Variants in DYNLT2 observed in about 807,000 individuals in gnomAD.
DYNLT2 encodes dynein light chain Tctex-type 2.
In DYNLT2, 24 loss-of-function variants were observed where a neutral mutation model predicts 24.3. The observed-to-expected ratio is 0.99, with a 90% CI of 0.71 to 1.39. The LOEUF (loss-of-function observed/expected upper bound fraction) is 1.39. Ranked by LOEUF, DYNLT2 falls within the 40% of genes most tolerant of loss-of-function variation. The pLI is 0.00. For missense variants in DYNLT2, 246 were observed against 234.5 expected, an observed-to-expected ratio of 1.05 and a Z score of -0.32; for synonymous variants, 85 against 85.4, an observed-to-expected ratio of 1.00 and a Z score of 0.03.
At position 169,740,315 on chromosome 6, in the gene DYNLT2, A is replaced by G; in HGVS notation, c.487-20T>C. Reference sequence around the variant, plus strand: ...GGCAATCTGTGAGAGAAATTTTGTAAAGACCAACTTTAGATTGAACATATT... The same window carrying G: ...GGCAATCTGTGAGAGAAATTTTGTAGAGACCAACTTTAGATTGAACATATT... On this transcript the variant is annotated intron_variant, in intron 3 of 3. Transcript: ENST00000366774. The G allele has an allele frequency of 6.7e-7, 1 of 1,488,384 alleles. No homozygotes were observed. Among genetic ancestry groups the G allele is most frequent in the South Asian group, 1.1e-5 (1 of 87,882 alleles). The allele number at this position is 1,488,384 out of a possible 1,614,324, so 92.2% of individuals were successfully genotyped here.
chr6:169,744,556 A>T (rs1789752248), intron 1 of DYNLT2, among the ~76,000 whole-genome samples: 1 of 152,218 alleles, frequency 6.6e-6, no homozygotes, highest in Admixed American at 6.5e-5. Flanking sequence ...TCCATGGATG[A>T]TCCAAAGGAA....
chr6:169,739,314 T>C (rs1789626149), downstream of DYNLT2, among the ~76,000 whole-genome samples: 1 of 151,778 alleles, frequency 6.6e-6, no homozygotes, highest in South Asian at 2.1e-4. Context: ...TCCCATGTGC[T>C]GGGATTATAG....
the DYNLT2 span, chr6:169,725,260 G>A: frequency 2.5e-6 from 1 of 398,718 alleles, no homozygotes; most frequent in East Asian, 3.6e-5. Flanking sequence ...CTGGAGAGTA[G>A]AGAATGTTCT....
At chr6:169,725,871 C>T in the DYNLT2 span, 4 of 152,310 alleles carry the variant, frequency 2.6e-5, no homozygotes, top group African/African-American at 9.6e-5. Context: ...GCTTCAAGGA[C>T]ATTTGCGCAG....
At chr6:169,725,632 G>T in the DYNLT2 span, 1 of 255,344 alleles carries the variant, frequency 3.9e-6, no homozygotes, top group Non-Finnish European at 7.0e-6. Flanking sequence ...AGAGTTTAGC[G>T]GTTTTTTTTT....
the DYNLT2 span, among the ~76,000 whole-genome samples, chr6:169,731,875 TAA>T: frequency 6.6e-6 from 1 of 152,202 alleles, no homozygotes; most frequent in African/African-American, 2.4e-5. Flanking sequence ...CTAATAAGAA[TAA>T]GTGTGCATAA....
the DYNLT2 span, chr6:169,725,262 G>C: frequency 2.5e-6 from 1 of 398,576 alleles, no homozygotes; most frequent in Non-Finnish European, 4.4e-6. Context: ...GGAGAGTAGA[G>C]AATGTTCTCG....
intron 2 of DYNLT2, 47 bp downstream of exon 2, chr6:169,744,021 G>T (rs746846433): frequency 6.4e-7 from 1 of 1,554,016 alleles, no homozygotes; most frequent in Non-Finnish European, 8.8e-7. Context: ...CTGTTTCTCT[G>T]TAGAACCCTC....
chr6:169,740,494 C>T (rs562410010), intron 3 of DYNLT2, among the ~76,000 whole-genome samples, 199 bp from the exon 4 acceptor site: 17 of 152,314 alleles, frequency 1.1e-4, no homozygotes, highest in African/African-American at 3.8e-4. Context: ...TTACCGGAGG[C>T]TGGCCTTTCT....
chr6:169,746,295 GTTC>G (rs1363435412), intron 1 of DYNLT2, among the ~76,000 whole-genome samples: 2 of 151,908 alleles, frequency 1.3e-5, no homozygotes, highest in African/African-American at 2.4e-5. Context: ...GATTTAATTT[GTTC>G]TTCTTTTTCT....
the DYNLT2 span, among the ~76,000 whole-genome samples, chr6:169,727,388 T>C: frequency 6.6e-6 from 1 of 151,898 alleles, no homozygotes; most frequent in African/African-American, 2.4e-5. Flanking sequence ...CAGAAAACCA[T>C]GATTGAGCAG....
the DYNLT2 span, among the ~76,000 whole-genome samples, chr6:169,728,956 C>T: frequency 2.0e-5 from 3 of 152,296 alleles, no homozygotes; most frequent in East Asian, 5.8e-4. Context: ...GACCTCTTCA[C>T]CCTTTTGTCA....
chr6:169,725,371 C>T, the DYNLT2 span: 224 of 398,522 alleles, frequency 5.6e-4, no homozygotes, highest in Non-Finnish European at 7.7e-4. Context: ...TAGCGCGTCA[C>T]ATTGACAAAC....
Position 169,751,550 on chromosome 6 carries a change from C to A in DYNLT2, c.-92G>T. On this transcript the variant is annotated 5_prime_UTR_variant, in exon 1 of 4. It adds an upstream start codon to the 5' untranslated region. Coordinates refer to ENST00000366774, the MANE Select transcript of DYNLT2 (RefSeq NM_174910.3). ...TCCCGCGAGGGCGGAAGTCTCCCAC[C>A]TGCGCCTCGTACGGTAGGAAGTGCC... The A allele has an allele frequency of 6.2e-7, 1 of 1,610,740 alleles. No individual in the cohort carries two copies. The highest frequency in any genetic ancestry group is 8.5e-7 in the Non-Finnish European group (1 of 1,178,892).
At chr6:169,730,859 G>A in the DYNLT2 span, among the ~76,000 whole-genome samples, 2 of 152,262 alleles carry the variant, frequency 1.3e-5, no homozygotes, top group African/African-American at 2.4e-5. Flanking sequence ...TGGACTGAAG[G>A]AAATGTTTAT....
chr6:169,726,101 CTG>C, the DYNLT2 span, among the ~76,000 whole-genome samples: 1 of 152,230 alleles, frequency 6.6e-6, no homozygotes, highest in African/African-American at 2.4e-5. Flanking sequence ...GCAAACCTGT[CTG>C]TTATTTAGGT....
the DYNLT2 span, among the ~76,000 whole-genome samples, chr6:169,734,165 A>G: frequency 1.3e-5 from 2 of 152,214 alleles, no homozygotes; most frequent in Non-Finnish European, 2.9e-5. Flanking sequence ...GTTGCTTATC[A>G]GTTCCAGAAG....
intron 1 of DYNLT2, chr6:169,749,519 A>G (rs1789894421): frequency 6.6e-6 from 1 of 152,268 alleles, no homozygotes; most frequent in Admixed American, 6.5e-5. Context: ...GTGTTAAGCC[A>G]AAGTATAATT....
chr6:169,747,607 G>A (rs2128336446), intron 1 of DYNLT2, among the ~76,000 whole-genome samples: 1 of 152,134 alleles, frequency 6.6e-6, no homozygotes, highest in Non-Finnish European at 1.5e-5. Flanking sequence ...TTCATCTACA[G>A]AAGTTCAATT....
Sources: allele counts gnomAD v4.1 joint callset (sites outside exome capture counted in the v4.1 genomes callset), GRCh38; gene constraint gnomAD v4.1.1; transcripts MANE v1.5; gene names NCBI Gene and HGNC (gene_info 2026-07-23, HGNC 2026-07-21).